Variants in MAPKAPK2 observed in about 807,000 individuals in gnomAD.
MAPKAPK2 encodes the protein MAPK activated protein kinase 2, also known as MAP kinase-activated protein kinase 2.
A neutral mutation model predicts 48.8 loss-of-function variants in MAPKAPK2; 9 were observed. The ratio of observed to expected loss-of-function variants is 0.18; its 90% CI spans 0.11 to 0.32. The LOEUF is 0.32. Among genes scored for constraint, MAPKAPK2 ranks in the 10% least tolerant of loss-of-function variants. The pLI, the probability that MAPKAPK2 is intolerant of heterozygous loss-of-function variation, is 1.00. For synonymous variants in MAPKAPK2, 202 were observed against 190.6 expected (o/e 1.06, Z -0.49); for missense variants, 331 against 498.3 (o/e 0.66, Z 3.20).
intron 1 of MAPKAPK2, among the ~76,000 whole-genome samples, chr1:206,724,637 G>A (rs1346598294): frequency 6.9e-6 from 1 of 145,628 alleles, no homozygotes; most frequent in East Asian, 2.0e-4. Context: ...GGAAATTCTT[G>A]CTAAGTTTCT....
chr1:206,726,323 G>T (rs559504924), intron 1 of MAPKAPK2, among the ~76,000 whole-genome samples: 1 of 152,352 alleles, frequency 6.6e-6, no homozygotes, highest in Admixed American at 6.5e-5. Context: ...GGAGGCGGAG[G>T]TTACAGTGAG....
At position 206,731,554 on chromosome 1, in the gene MAPKAPK2, C is replaced by A; in HGVS notation, c.893-86C>A. 7.9e-7 allele frequency: 1 copy of A among 1,270,810 alleles called. No homozygotes were observed. Among genetic ancestry groups the A allele is most frequent in the African/African-American group, 1.5e-5 (1 of 68,154 alleles). The allele number at this position is 1,270,810 out of a possible 1,614,324, so 78.7% of individuals were successfully genotyped here. A position where few individuals can be genotyped will look rare whatever the true frequency, so the allele number is the denominator to read the frequency against. On this transcript the variant is annotated intron_variant, in intron 7 of 9. Coordinates refer to ENST00000367103, the MANE Select transcript of MAPKAPK2 (RefSeq NM_032960.4). The surrounding 1 kb of genome is among the most constrained non-coding windows in gnomAD (Gnocchi z 5.9). The stretch of plus-strand genomic sequence containing the variant: ...TGCCTCCATGCACCCCCTCTTTGAA[C>A]CTGGTTTCCCCATGAAAACTGGGGA...
At chr1:206,730,250 G>A in intron 5 of MAPKAPK2, 152 bp downstream of exon 5, 4 of 932,564 alleles carry the variant, frequency 4.3e-6, no homozygotes, top group Non-Finnish European at 6.4e-6. Context: ...TGAGAAGTAG[G>A]GCTTGTCAGA....
chr1:206,715,350 C>T (rs937211762), intron 1 of MAPKAPK2, among the ~76,000 whole-genome samples: 3 of 152,186 alleles, frequency 2.0e-5, no homozygotes, highest in Non-Finnish European at 2.9e-5. Flanking sequence ...GTTTAGTGAG[C>T]GCAGACTACT....
At chr1:206,724,880 A>G (rs967952429) in intron 1 of MAPKAPK2, among the ~76,000 whole-genome samples, 1 of 152,170 alleles carries the variant, frequency 6.6e-6, no homozygotes, top group Admixed American at 6.6e-5. Context: ...ATAAGGCATA[A>G]ATATGCAAAA....
At chr1:206,723,754 C>T (rs1196761141) in intron 1 of MAPKAPK2, among the ~76,000 whole-genome samples, 3 of 152,214 alleles carry the variant, frequency 2.0e-5, no homozygotes, top group African/African-American at 7.2e-5. Context: ...GGGGAGGGGT[C>T]CTGTCCTTCT....
chr1:206,691,504 T>TATATAC (rs1424297313), intron 1 of MAPKAPK2, among the ~76,000 whole-genome samples: 1,609 of 112,104 alleles, frequency 0.014, 62 homozygotes, highest in African/African-American at 0.039. Flanking sequence ...TATATATATA[T>TATATAC]ACACACATAC....
rs575154444 is a variant in MAPKAPK2 at position 206,720,502 on chromosome 1, C to T, written c.280-8208C>T. ...AAGTAGCTGGGATTGCTTACAGGTG[C>T]GTGCCACCATGCCTGGCTAATTTTT... On this transcript the variant is annotated intron_variant, in intron 1 of 9. Coordinates refer to ENST00000367103, the MANE Select transcript of MAPKAPK2 (RefSeq NM_032960.4). Among the ~76,000 whole-genome samples, 18 of 152,272 alleles carry T rather than the reference C, an allele frequency of 1.2e-4. 1 individual carries two copies. The South Asian group carries it at 2.5e-3, about 21-fold the overall frequency.
chr1:206,702,206 AT>A (rs1672819078), intron 1 of MAPKAPK2, among the ~76,000 whole-genome samples: 1 of 152,278 alleles, frequency 6.6e-6, no homozygotes, highest in East Asian at 1.9e-4. Flanking sequence ...GAATCTTGAG[AT>A]TTGGTTCTTT....
chr1:206,691,842 GCCTGGCT>G (rs1179424728), intron 1 of MAPKAPK2, among the ~76,000 whole-genome samples: 1 of 152,154 alleles, frequency 6.6e-6, no homozygotes, highest in Non-Finnish European at 1.5e-5. Context: ...TAAGCTTAGT[GCCTGGCT>G]CCAGGGCAGC....
At chr1:206,714,883 A>G (rs1673277967) in intron 1 of MAPKAPK2, among the ~76,000 whole-genome samples, 1 of 152,074 alleles carries the variant, frequency 6.6e-6, no homozygotes. Flanking sequence ...TAGACTGTGA[A>G]CCTTGAAGCC....
Position 206,685,270 on chromosome 1 carries a change from TCCCCGCCCCGG to T in MAPKAPK2, c.49_59del (p.Pro17AlafsTer42). The stretch of plus-strand genomic sequence containing the variant: ...CAGGGCCAGAGCCCGCCGGTGCCGT[TCCCCGCCCCGG>T]CCCCGCCGCCGCAGCCCCCCACCCC... On this transcript the variant is annotated frameshift_variant, in exon 1 of 10. Transcript: ENST00000367103. LOFTEE classifies it high-confidence loss of function. 1 of 566,972 alleles carries T rather than the reference TCCCCGCCCCGG, an allele frequency of 1.8e-6. No individual in the cohort carries two copies. The highest frequency in any genetic ancestry group is 3.9e-5 in the Admixed American group (1 of 25,360). The allele number at this position is 566,972 out of a possible 1,614,324, so 35.1% of individuals were successfully genotyped here.
At chr1:206,714,096 C>CG (rs1558581893) in intron 1 of MAPKAPK2, among the ~76,000 whole-genome samples, 1 of 152,080 alleles carries the variant, frequency 6.6e-6, no homozygotes, top group Non-Finnish European at 1.5e-5. Context: ...TCAAAGGGGC[C>CG]GTGAGTTCAG....
chr1:206,705,907 G>A (rs997275836), intron 1 of MAPKAPK2, among the ~76,000 whole-genome samples: 3 of 152,056 alleles, frequency 2.0e-5, no homozygotes, highest in Non-Finnish European at 1.5e-5. Context: ...TGGATTTTTC[G>A]CTTGGAACAA....
At chr1:206,708,084 T>TC (rs1553428881) in intron 1 of MAPKAPK2, among the ~76,000 whole-genome samples, 1 of 152,222 alleles carries the variant, frequency 6.6e-6, no homozygotes, top group African/African-American at 2.4e-5. Flanking sequence ...CTTGCTCTGA[T>TC]CACACAGTCA....
intron 1 of MAPKAPK2, among the ~76,000 whole-genome samples, chr1:206,728,012 G>A (rs920845376): frequency 9.2e-6 from 1 of 109,162 alleles, no homozygotes; most frequent in South Asian, 2.9e-4. Flanking sequence ...AATGAGACTG[G>A]CTTAGACAGG....
intron 1 of MAPKAPK2, among the ~76,000 whole-genome samples, chr1:206,693,699 C>G (rs1672524906): frequency 6.6e-6 from 1 of 152,222 alleles, no homozygotes; most frequent in Non-Finnish European, 1.5e-5. Context: ...CAGTCTGCCC[C>G]AGGCCTTCAA....
chr1:206,695,761 TC>T (rs1672598084), intron 1 of MAPKAPK2: 3 of 210,190 alleles, frequency 1.4e-5, no homozygotes, highest in Non-Finnish European at 2.6e-5. Context: ...AAGGCATCTC[TC>T]TCTCTCTCTC....
In MAPKAPK2 at chr1:206,723,124, C is replaced by T. The variant is rs562816357; in HGVS notation, c.280-5586C>T. ...GATGTCTTCCTTCTCTCATTACATG[C>T]GCCCAGCTTAGGTGGTGTAGTGAGG... On this transcript the variant is annotated intron_variant, in intron 1 of 9. Coordinates refer to ENST00000367103, the MANE Select transcript of MAPKAPK2 (RefSeq NM_032960.4). Among the ~76,000 whole-genome samples, 29 of 152,340 alleles carry T rather than the reference C, an allele frequency of 1.9e-4. No homozygotes were observed. In the South Asian group the frequency reaches 4.8e-3, roughly 25 times the overall value.
Sources: gnomAD v4.1 joint callset for allele counts (sites outside exome capture counted in the v4.1 genomes callset) on GRCh38, gnomAD v4.1.1 for gene constraint, Gnocchi (gnomAD v3.1) non-coding constraint, MANE v1.5 for transcripts, NCBI Gene and HGNC (gene_info 2026-07-23, HGNC 2026-07-21) for gene names.